PGK1: variants seen among roughly 807,000 people sequenced by gnomAD.
PGK1 encodes the protein phosphoglycerate kinase 1, also known as PRP 2.
In PGK1, 3 loss-of-function variants were observed where a neutral mutation model predicts 26.9. That is an observed-to-expected ratio of 0.11 (90% CI 0.05 to 0.29). PGK1 has a LOEUF of 0.29. Ranked by LOEUF, PGK1 falls within the 10% of genes least tolerant of loss-of-function variation. The pLI is 1.00. For synonymous variants in PGK1, 125 were observed against 115.3 expected (o/e 1.08, Z -0.54); for missense variants, 270 against 314.7 (o/e 0.86, Z 1.07).
At chrX:78,118,601 T>TAAATAAATAAATAAATAAAC (rs1272522622) in intron 6 of PGK1, among the ~76,000 whole-genome samples, 2 of 109,007 alleles carry the variant, frequency 1.8e-5, no homozygotes, top group African/African-American at 6.7e-5. Flanking sequence ...AATAAATAAA[T>TAAATAAATAAATAAATAAAC]AAACAAACAA....
In PGK1 at chrX:78,117,380, C is replaced by G. The variant is rs201708335; in HGVS notation, c.486C>G (p.Val162=). The G allele has an allele frequency of 1.1e-5, 13 of 1,198,637 alleles. No homozygotes were observed. Among genetic ancestry groups the G allele is most frequent in the Non-Finnish European group, 1.5e-5 (13 of 884,772 alleles). Residue 162 remains valine, a synonymous_variant, in exon 5 of 11, where the codon GTC becomes GTG. Transcript: ENST00000373316. Reference sequence around the variant, plus strand: ...TTTCCAAGCTAGGGGATGTCTATGTCAATGATGCTTTTGGCACTGCTCACA... The same window carrying G: ...TTTCCAAGCTAGGGGATGTCTATGTGAATGATGCTTTTGGCACTGCTCACA... ...ASLSKLGDVY[V]NDAFGTAHRA...
intron 6 of PGK1, 127 bp downstream of exon 6, chrX:78,118,297 A>G: frequency 1.3e-6 from 1 of 743,583 alleles, no homozygotes; most frequent in Admixed American, 2.3e-5. Context: ...TAAAGGAACT[A>G]CAGGCTGGGC....
intron 6 of PGK1, among the ~76,000 whole-genome samples, chrX:78,119,612 T>C (rs1284595687): frequency 9.0e-6 from 1 of 111,659 alleles, no homozygotes; most frequent in Non-Finnish European, 1.9e-5. Context: ...TATCCCCACG[T>C]GTTGTGGGAG....
At chrX:78,120,464 C>T (rs938107851) in intron 6 of PGK1, among the ~76,000 whole-genome samples, 1 of 109,092 alleles carries the variant, frequency 9.2e-6, no homozygotes, top group Admixed American at 9.8e-5. Context: ...GATATATAGA[C>T]ATATCTATAT....
At chrX:78,104,470 A>C in intron 1 of PGK1, 65 bp downstream of exon 1, 1 of 870,509 alleles carries the variant, frequency 1.1e-6, no homozygotes, top group Non-Finnish European at 1.7e-6. Flanking sequence ...GCCGGAGCCG[A>C]CTTGTTCTCT....
chrX:78,104,336 C>T lies in PGK1; in HGVS notation c.-5C>T. 1 of 1,198,108 alleles carries T rather than the reference C, an allele frequency of 8.3e-7. No individual in the cohort carries two copies. The highest frequency in any genetic ancestry group is 1.1e-6 in the Non-Finnish European group (1 of 883,028). ...CCGACCTCTCTCCCCAGCTGTATTT[C>T]CAAAATGTCGCTTTCTAACAAGCTG... On this transcript the variant is annotated 5_prime_UTR_variant, in exon 1 of 11. Coordinates refer to ENST00000373316, the MANE Select transcript of PGK1 (RefSeq NM_000291.4).
intron 6 of PGK1, among the ~76,000 whole-genome samples, chrX:78,120,199 C>G (rs1318719043): frequency 1.8e-5 from 2 of 111,405 alleles, no homozygotes; most frequent in Non-Finnish European, 3.8e-5. Context: ...TTGTAAGAAA[C>G]ACTCATATGT....
Position 78,125,913 on chromosome X carries a change from C to G in PGK1, c.*83C>G. 1.3e-6 allele frequency: 1 copy of G among 795,655 alleles called. No homozygotes were observed. Among genetic ancestry groups the G allele is most frequent in the Non-Finnish European group, 1.9e-6 (1 of 516,775 alleles). 65.6% of individuals were successfully genotyped at this position (795,655 alleles called of 1,213,427 possible). On this transcript the variant is annotated 3_prime_UTR_variant, in exon 11 of 11. Coordinates refer to ENST00000373316, the MANE Select transcript of PGK1 (RefSeq NM_000291.4). ...CATCTCCACTTGGCATTAGCTAAAA[C>G]CTTCCATGTCAAGATTCAGCTAGTG...
Position 78,109,917 on chromosome X carries a change from G to C in PGK1, c.116G>C (p.Arg39Thr). The change falls in exon 2 of 11, where the codon AGG becomes ACG. Residue 39 changes from arginine (R) to threonine (T), a missense_variant and splice_region_variant. Coordinates refer to ENST00000373316, the MANE Select transcript of PGK1 (RefSeq NM_000291.4). ...MKNNQITNNQ[R>T]IKAAVPSIKF... ...AACAACCAGATAACAAACAACCAGA[G>C]GTAAGGTCCCTGCTAATCCTTGGGC... 1 of 1,169,977 alleles carries C rather than the reference G, an allele frequency of 8.5e-7. No individual in the cohort carries two copies. Among genetic ancestry groups the C allele is most frequent in the Non-Finnish European group, 1.2e-6 (1 of 857,593 alleles).
intron 1 of PGK1, among the ~76,000 whole-genome samples, chrX:78,107,975 A>G (rs1326696981): frequency 9.0e-6 from 1 of 111,422 alleles, no homozygotes; most frequent in Non-Finnish European, 1.9e-5. Flanking sequence ...AAAAAAAAAA[A>G]AGAAAATTGT....
At chrX:78,105,099 T>A (rs2078264719) in intron 1 of PGK1, among the ~76,000 whole-genome samples, 1 of 112,342 alleles carries the variant, frequency 8.9e-6, no homozygotes, top group Non-Finnish European at 1.9e-5. Flanking sequence ...CTGCTCATAC[T>A]TGCTGGCCTC....
At chrX:78,123,420 G>T (rs782573581) in intron 8 of PGK1, 46 bp downstream of exon 8, 16 of 993,722 alleles carry the variant, frequency 1.6e-5, no homozygotes, top group Non-Finnish European at 2.1e-5. Context: ...CAGAAACTCT[G>T]TGGTGTCATT....
chrX:78,104,266 C>T lies in PGK1; in HGVS notation c.-75C>T, dbSNP rs2078256158. 1 of 781,581 alleles carries T rather than the reference C, an allele frequency of 1.3e-6. No homozygotes were observed. Among genetic ancestry groups the T allele is most frequent in the Admixed American group, 2.3e-5 (1 of 43,158 alleles). 64.4% of individuals were successfully genotyped at this position (781,581 alleles called of 1,213,427 possible). ...GCGCGGTGTTCCGCATTCTGCAAGCCTCCGGAGCGCACGTCGGCAGTCGGC... is the reference window on the plus strand; with the variant it reads ...GCGCGGTGTTCCGCATTCTGCAAGCTTCCGGAGCGCACGTCGGCAGTCGGC... On this transcript the variant is annotated 5_prime_UTR_variant, in exon 1 of 11. Coordinates refer to ENST00000373316, the MANE Select transcript of PGK1 (RefSeq NM_000291.4).
chrX:78,123,415 A>G, intron 8 of PGK1, 41 bp downstream of exon 8: 1 of 1,004,556 alleles, frequency 1.0e-6, no homozygotes, highest in South Asian at 2.0e-5. Context: ...GTGAACAGAA[A>G]CTCTGTGGTG....
intron 6 of PGK1, among the ~76,000 whole-genome samples, chrX:78,120,766 G>A (rs568597715): frequency 1.5e-3 from 166 of 112,071 alleles, no homozygotes; most frequent in Middle Eastern, 0.014. Flanking sequence ...AAAGTGTTGA[G>A]ATTACAGGCG....
intron 4 of PGK1, among the ~76,000 whole-genome samples, chrX:78,114,784 ATGT>A (rs1309986229): frequency 8.9e-6 from 1 of 112,334 alleles, no homozygotes; most frequent in Non-Finnish European, 1.9e-5. Flanking sequence ...ACCTCTGCCG[ATGT>A]TGTGCAAAAG....
chrX:78,114,367 C>T (rs782381092), intron 4 of PGK1, among the ~76,000 whole-genome samples: 2 of 112,064 alleles, frequency 1.8e-5, no homozygotes, highest in African/African-American at 6.5e-5. Flanking sequence ...ACCAGCATCC[C>T]AGAAGCCCTC....
chrX:78,124,214 A>T (rs1359682988), intron 8 of PGK1, among the ~76,000 whole-genome samples: 6 of 111,788 alleles, frequency 5.4e-5, no homozygotes, highest in Non-Finnish European at 1.1e-4. Context: ...CTTTTCAGGC[A>T]TTCACGTATT....
At chrX:78,125,285 C>A in intron 9 of PGK1, 42 bp from the exon 10 acceptor site, 1 of 1,045,789 alleles carries the variant, frequency 9.6e-7, no homozygotes, top group Non-Finnish European at 1.3e-6. Context: ...CCTTTTTTTT[C>A]TTTTCTCTCT....
Sources: allele counts gnomAD v4.1 joint callset (sites outside exome capture counted in the v4.1 genomes callset), GRCh38; gene constraint gnomAD v4.1.1; transcripts MANE v1.5; gene names NCBI Gene and HGNC (gene_info 2026-07-23, HGNC 2026-07-21).